SYN3: variants seen among roughly 807,000 people sequenced by gnomAD.
SYN3 encodes the protein synapsin III, also known as synapsin-3.
In SYN3, 35 loss-of-function variants were observed where a neutral mutation model predicts 65.8. The observed-to-expected ratio is 0.53, with a 90% CI of 0.41 to 0.70. The LOEUF (loss-of-function observed/expected upper bound fraction) is 0.70, where lower values mean the gene tolerates loss of function less well. SYN3 is among the 30% of genes least tolerant of loss of function. The pLI is 0.00. For missense variants in SYN3, 680 were observed against 749.0 expected, an observed-to-expected ratio of 0.91 and a Z score of 1.08; for synonymous variants, 270 against 292.9, an observed-to-expected ratio of 0.92 and a Z score of 0.80.
intron 6 of SYN3, among the ~76,000 whole-genome samples, chr22:32,699,830 A>G (rs2060787681): frequency 6.6e-6 from 1 of 152,136 alleles, no homozygotes; most frequent in Non-Finnish European, 1.5e-5. Context: ...TCTACCTCTC[A>G]TCTCAGTTCT....
intron 6 of SYN3, among the ~76,000 whole-genome samples, chr22:32,769,378 A>G (rs184082681): frequency 2.4e-4 from 36 of 152,284 alleles, no homozygotes; most frequent in Non-Finnish European, 4.6e-4. Flanking sequence ...TGCACTTGAC[A>G]TAGTTGATCA....
At chr22:32,607,627 G>A (rs1052439957) in intron 6 of SYN3, among the ~76,000 whole-genome samples, 1 of 152,024 alleles carries the variant, frequency 6.6e-6, no homozygotes. Context: ...GGAAAATACC[G>A]GTAGCATATT....
chr22:32,716,228 T>A (rs16991082), intron 6 of SYN3, among the ~76,000 whole-genome samples: 43 of 152,216 alleles, frequency 2.8e-4, no homozygotes, highest in African/African-American at 1.0e-3. Flanking sequence ...ACCTCATCCC[T>A]TCCTGTCTGT....
At chr22:32,776,222 C>CT (rs977215132) in intron 6 of SYN3, among the ~76,000 whole-genome samples, 26 of 151,566 alleles carry the variant, frequency 1.7e-4, no homozygotes, top group African/African-American at 4.8e-4. Context: ...TGGCGACACC[C>CT]TTTTTTTTTC....
intron 6 of SYN3, among the ~76,000 whole-genome samples, chr22:32,793,923 G>T (rs1209964288): frequency 6.6e-6 from 1 of 152,210 alleles, no homozygotes; most frequent in Non-Finnish European, 1.5e-5. Flanking sequence ...TCTTTGAATG[G>T]TGACTTGTAT....
chr22:32,603,645 G>C (rs1332187340), intron 6 of SYN3, among the ~76,000 whole-genome samples: 1 of 151,968 alleles, frequency 6.6e-6, no homozygotes, highest in African/African-American at 2.4e-5. Flanking sequence ...TGTTCAAATG[G>C]GTGTCGAAGG....
intron 6 of SYN3, among the ~76,000 whole-genome samples, chr22:32,623,642 C>T (rs1569100708): frequency 6.6e-6 from 1 of 152,252 alleles, no homozygotes; most frequent in Non-Finnish European, 1.5e-5. Context: ...GTGCCACTTC[C>T]CACTCCATTC....
In SYN3 at chr22:32,685,201, C is replaced by T. The variant is rs538202348; in HGVS notation, c.712-88465G>A. ...ACTTTGACAATTCCTGCTCTACAAA[C>T]ACAAGGTAGGGTTTCTGTTGACAGC... On this transcript the variant is annotated intron_variant, in intron 6 of 13. Coordinates refer to ENST00000358763, the MANE Select transcript of SYN3 (RefSeq NM_003490.4). Among the ~76,000 whole-genome samples the T allele has an allele frequency of 4.9e-4, 75 of 152,316 alleles. 2 individuals carry two copies. In the South Asian group the frequency reaches 0.015, roughly 31 times the overall value.
chr22:32,857,642 C>T (rs2048407650), intron 6 of SYN3, among the ~76,000 whole-genome samples: 2 of 152,176 alleles, frequency 1.3e-5, no homozygotes, highest in South Asian at 4.1e-4. Context: ...TGTTCCTCTC[C>T]ACCTCACACT....
chr22:32,918,911 C>G lies in SYN3; in HGVS notation c.461+12479G>C, dbSNP rs547079532. On this transcript the variant is annotated intron_variant, in intron 4 of 13. Transcript: ENST00000358763. ...GCTTGGAGAAGGCAGAGCCGGGATC[C>G]AGCCCAGGCGGTCTGCTTTGCCTAC... Among the ~76,000 whole-genome samples, 297 of 152,340 alleles carry G rather than the reference C, an allele frequency of 1.9e-3. 3 individuals are homozygous for G. Among genetic ancestry groups the G allele is most frequent in the Non-Finnish European group, 3.2e-3 (221 of 68,040 alleles).
rs181134453 is a variant in SYN3 at position 32,512,346 on chromosome 22, T to C, written c.*1346A>G. Among the ~76,000 whole-genome samples the C allele has an allele frequency of 4.3e-4, 66 of 152,318 alleles. No individual in the cohort carries two copies. Among genetic ancestry groups the C allele is most frequent in the South Asian group, 2.7e-3 (13 of 4,820 alleles). ...GGGAGGCAAGGGGCTAACATGGCTA[T>C]GTTCTAATATCTTGGGCTCTCTTTG... On this transcript the variant is annotated 3_prime_UTR_variant, in exon 14 of 14. Coordinates refer to ENST00000358763, the MANE Select transcript of SYN3 (RefSeq NM_003490.4).
chr22:32,743,568 C>G lies in SYN3; in HGVS notation c.711+121347G>C, dbSNP rs930501799. ...CCCACCTGCTTGGGAAGAGGTAAGT[C>G]TTGGGAAGAGGTAAGTTCTAGCAAT... On this transcript the variant is annotated intron_variant, in intron 6 of 13. Transcript: ENST00000358763. Among the ~76,000 whole-genome samples the G allele has an allele frequency of 8.5e-5, 13 of 152,244 alleles. No homozygotes were observed. In the South Asian group the frequency reaches 2.5e-3, roughly 29 times the overall value.
chr22:32,867,531 T>C (rs1014818007), intron 5 of SYN3, among the ~76,000 whole-genome samples: 2 of 151,866 alleles, frequency 1.3e-5, no homozygotes, highest in African/African-American at 2.4e-5. Flanking sequence ...GATAAGTATC[T>C]AGGAAAAAAA....
At chr22:32,821,429 C>G (rs1162299476) in intron 6 of SYN3, among the ~76,000 whole-genome samples, 1 of 152,130 alleles carries the variant, frequency 6.6e-6, no homozygotes, top group African/African-American at 2.4e-5. Flanking sequence ...AATCAGAAGT[C>G]AAAGAAGGTG....
chr22:32,874,890 G>C (rs1199573083), intron 4 of SYN3, among the ~76,000 whole-genome samples: 1 of 152,174 alleles, frequency 6.6e-6, no homozygotes, highest in Non-Finnish European at 1.5e-5. Context: ...TCAAATCTGG[G>C]GGAAGGGGAC....
At chr22:32,704,708 C>A (rs145084623) in intron 6 of SYN3, among the ~76,000 whole-genome samples, 7 of 152,314 alleles carry the variant, frequency 4.6e-5, no homozygotes, top group African/African-American at 1.4e-4. Context: ...TCCTGCACAA[C>A]CTCACCAGCA....
At chr22:32,618,624 A>G (rs1199041744) in intron 6 of SYN3, among the ~76,000 whole-genome samples, 8 of 152,160 alleles carry the variant, frequency 5.3e-5, no homozygotes, top group African/African-American at 1.7e-4. Flanking sequence ...CGGAATGTTC[A>G]GAGGCTGCAT....
chr22:32,535,781 C>CGGT lies in SYN3; in HGVS notation c.993-1887_993-1886insACC, dbSNP rs569306166. ...AGCAGCGTGAGAGTGCTTGGAGAATCGGGGGGGGGGCCCTGCTCCCCTCCT... is the reference window on the plus strand; with the variant it reads ...AGCAGCGTGAGAGTGCTTGGAGAATCGGTGGGGGGGGGGCCCTGCTCCCCTCCT... On this transcript the variant is annotated intron_variant, in intron 9 of 13. Coordinates refer to ENST00000358763, the MANE Select transcript of SYN3 (RefSeq NM_003490.4). 1.8e-3 allele frequency among the ~76,000 whole-genome samples: 261 copies of CGGT among 147,122 alleles called. 1 individual carries two copies. The highest frequency in any genetic ancestry group is 6.0e-3 in the African/African-American group (239 of 40,012).
chr22:32,757,879 C>A (rs138336406), intron 6 of SYN3, among the ~76,000 whole-genome samples: 69 of 152,278 alleles, frequency 4.5e-4, no homozygotes, highest in Non-Finnish European at 8.1e-4. Context: ...GGAAAAAAAC[C>A]ACGACCTGCT....
Sources: gnomAD v4.1 joint callset for allele counts (sites outside exome capture counted in the v4.1 genomes callset) on GRCh38, gnomAD v4.1.1 for gene constraint, MANE v1.5 for transcripts, NCBI Gene and HGNC (gene_info 2026-07-23, HGNC 2026-07-21) for gene names.